The following ZBTB20 variants were observed in gnomAD, a reference collection of about 807,000 sequenced individuals.
ZBTB20 encodes the protein zinc finger and BTB domain-containing protein 20.
A neutral mutation model predicts 56.9 loss-of-function variants in ZBTB20; 9 were observed. That is an observed-to-expected ratio of 0.16 (90% CI 0.10 to 0.28). The LOEUF (loss-of-function observed/expected upper bound fraction) is 0.28, where lower values mean the gene tolerates loss of function less well. ZBTB20 is among the 10% of genes least tolerant of loss of function. The pLI is 1.00. For missense variants in ZBTB20, 655 were observed against 1,003.0 expected (o/e 0.65, Z 4.69); for synonymous variants, 417 against 420.7 (o/e 0.99, Z 0.11).
At chr3:114,738,078 A>G (rs9849267) in intron 5 of ZBTB20, among the ~76,000 whole-genome samples, 1 of 152,026 alleles carries the variant, frequency 6.6e-6, no homozygotes, top group South Asian at 2.1e-4. Context: ...GGTCAATATG[A>G]TAATTTAATG....
At chr3:114,665,878 TC>T (rs1323246666) in intron 6 of ZBTB20, among the ~76,000 whole-genome samples, 1 of 152,052 alleles carries the variant, frequency 6.6e-6, no homozygotes, top group Admixed American at 6.6e-5. Context: ...GTCTAATTTT[TC>T]CCACGCTCTG....
intron 3 of ZBTB20, among the ~76,000 whole-genome samples, chr3:114,937,921 C>A (rs1277710159): frequency 6.6e-6 from 1 of 151,778 alleles, no homozygotes; most frequent in Non-Finnish European, 1.5e-5. Flanking sequence ...CACGGTGAAG[C>A]CCCATGTCTA....
intron 6 of ZBTB20, among the ~76,000 whole-genome samples, chr3:114,676,499 G>T (rs2061634272): frequency 2.0e-5 from 3 of 151,968 alleles, no homozygotes; most frequent in Admixed American, 2.0e-4. Flanking sequence ...TTTCCAATTA[G>T]ATTGTTTTTC....
intron 6 of ZBTB20, among the ~76,000 whole-genome samples, chr3:114,532,632 G>A (rs2047987671): frequency 2.0e-5 from 3 of 152,214 alleles, no homozygotes; most frequent in African/African-American, 7.2e-5. Flanking sequence ...CAGAGCTCGA[G>A]CTCTCCTAAG....
chr3:115,131,589 T>C (rs1576824879), intron 1 of ZBTB20, among the ~76,000 whole-genome samples: 1 of 152,290 alleles, frequency 6.6e-6, no homozygotes, highest in Non-Finnish European at 1.5e-5. Context: ...AATACACATG[T>C]TCTTAAATAT....
At chr3:114,507,060 C>A (rs1194916301) in intron 6 of ZBTB20, among the ~76,000 whole-genome samples, 1 of 152,126 alleles carries the variant, frequency 6.6e-6, no homozygotes, top group Non-Finnish European at 1.5e-5. Context: ...ATAAATAGCA[C>A]CAGAGAGAGG....
intron 4 of ZBTB20, among the ~76,000 whole-genome samples, chr3:114,883,094 T>C (rs1281807406): frequency 2.0e-5 from 3 of 152,192 alleles, no homozygotes; most frequent in Admixed American, 2.0e-4. Flanking sequence ...ACCTTATAGT[T>C]CTAACAGTAC....
chr3:115,093,416 G>A (rs1433205276), intron 1 of ZBTB20, among the ~76,000 whole-genome samples: 1 of 152,096 alleles, frequency 6.6e-6, no homozygotes, highest in East Asian at 1.9e-4. Context: ...AAGCGAAAAA[G>A]CAAGTGGGGT....
At chr3:114,770,621 G>A (rs1028952085) in intron 5 of ZBTB20, among the ~76,000 whole-genome samples, 3 of 152,048 alleles carry the variant, frequency 2.0e-5, no homozygotes, top group African/African-American at 7.2e-5. Context: ...GTAGAAAAAA[G>A]CGCCATCTTT....
At chr3:114,972,277 A>C (rs1340877565) in intron 3 of ZBTB20, among the ~76,000 whole-genome samples, 1 of 152,184 alleles carries the variant, frequency 6.6e-6, no homozygotes, top group Non-Finnish European at 1.5e-5. Flanking sequence ...ATTCTGAACA[A>C]CCAAACAAAA....
chr3:114,570,003 T>C (rs1324985702), intron 6 of ZBTB20, among the ~76,000 whole-genome samples: 2 of 152,162 alleles, frequency 1.3e-5, no homozygotes, highest in African/African-American at 4.8e-5. Flanking sequence ...CAAAAGAATA[T>C]GATAATAATT....
At chr3:114,417,531 T>C (rs959895847) in intron 7 of ZBTB20, among the ~76,000 whole-genome samples, 3 of 152,106 alleles carry the variant, frequency 2.0e-5, no homozygotes, top group African/African-American at 7.2e-5. Flanking sequence ...TGGAGAATAG[T>C]TTACTTCCTA....
chr3:115,077,983 C>T (rs1479006514), intron 1 of ZBTB20, among the ~76,000 whole-genome samples: 1 of 152,098 alleles, frequency 6.6e-6, no homozygotes, highest in East Asian at 1.9e-4. Context: ...CTCAGGACAA[C>T]CCAATAGGTA....
chr3:115,084,784 A>G (rs1469223908), intron 1 of ZBTB20, among the ~76,000 whole-genome samples: 1 of 152,048 alleles, frequency 6.6e-6, no homozygotes, highest in Non-Finnish European at 1.5e-5. Context: ...AAAAGTGCAC[A>G]AATATGTTGA....
At chr3:114,650,123 C>G (rs1027356300) in intron 6 of ZBTB20, among the ~76,000 whole-genome samples, 1 of 151,846 alleles carries the variant, frequency 6.6e-6, no homozygotes, top group African/African-American at 2.4e-5. Context: ...CAGTTTTAAT[C>G]TCTCCAAATA....
At chr3:115,121,433 T>A (rs1426538149) in intron 1 of ZBTB20, among the ~76,000 whole-genome samples, 1 of 151,904 alleles carries the variant, frequency 6.6e-6, no homozygotes, top group Non-Finnish European at 1.5e-5. Flanking sequence ...ATGAAAGGAA[T>A]ATTTTCAATC....
chr3:114,323,184 T>C lies in ZBTB20; in HGVS notation c.*15821A>G, dbSNP rs1226382528. 6.6e-6 allele frequency: 1 copy of C among 152,168 alleles called. No individual in the cohort carries two copies. Among genetic ancestry groups the C allele is most frequent in the Non-Finnish European group, 1.5e-5 (1 of 68,020 alleles). 9.4% of individuals were successfully genotyped at this position (152,168 alleles called of 1,614,324 possible). On this transcript the variant is annotated 3_prime_UTR_variant, in exon 12 of 12. Coordinates refer to ENST00000675478, the MANE Select transcript of ZBTB20 (RefSeq NM_001348800.3). The stretch of plus-strand genomic sequence containing the variant: ...ATTAAAAAAGATAATAAAAATAAAT[T>C]TAACAAAGAAAAGTTAGGAAAAAAC...
intron 6 of ZBTB20, among the ~76,000 whole-genome samples, chr3:114,522,462 A>G (rs548061568): frequency 1.3e-5 from 2 of 152,314 alleles, no homozygotes; most frequent in East Asian, 3.9e-4. Context: ...ATGTTGAGCC[A>G]TTAGAGAGTT....
At chr3:114,884,135 C>T (rs1163205585) in intron 4 of ZBTB20, among the ~76,000 whole-genome samples, 3 of 150,940 alleles carry the variant, frequency 2.0e-5, no homozygotes, top group African/African-American at 7.3e-5. Context: ...CCGTTTTAGC[C>T]GGGATGGTGT....
Sources: allele counts gnomAD v4.1 joint callset (sites outside exome capture counted in the v4.1 genomes callset), GRCh38; gene constraint gnomAD v4.1.1; transcripts MANE v1.5; gene names NCBI Gene and HGNC (gene_info 2026-07-23, HGNC 2026-07-21).